FREM1: variants seen among roughly 807,000 people sequenced by gnomAD.
FREM1 encodes FRAS1-related extracellular matrix protein 1.
A neutral mutation model predicts 210.1 loss-of-function variants in FREM1; 220 were observed. The observed-to-expected ratio is 1.05, with a 90% CI of 0.94 to 1.17. The LOEUF is 1.17. Among genes scored for constraint, FREM1 ranks in the 50% most tolerant of loss-of-function variants. The pLI, the probability that FREM1 is intolerant of heterozygous loss-of-function variation, is 0.00. For missense variants in FREM1, 3,454 were observed against 2,675.5 expected (o/e 1.29, Z -6.42); for synonymous variants, 1,189 against 980.2 (o/e 1.21, Z -3.98).
chr9:14,738,045 T>G (rs1840721351), intron 36 of FREM1, among the ~76,000 whole-genome samples: 1 of 152,204 alleles, frequency 6.6e-6, no homozygotes, highest in Admixed American at 6.5e-5. Context: ...CCTCATTATT[T>G]AAATGTCCTG....
Position 14,836,651 on chromosome 9 carries a change from T to A in FREM1, c.1881+4796A>T, listed in dbSNP as rs1232739707. 9.9e-5 allele frequency among the ~76,000 whole-genome samples: 15 copies of A among 152,220 alleles called. No individual in the cohort carries two copies. The highest frequency in any genetic ancestry group is 2.2e-4 in the Non-Finnish European group (15 of 68,040). On this transcript the variant is annotated intron_variant, in intron 10 of 36. Transcript: ENST00000380880. This position sits in a 1 kb window ranked among gnomAD's most constrained non-coding sequence, Gnocchi z 4.9. ...TATTTGGACGTTGTATATTCAGTAC[T>A]ATGACTCAAATTGTTTCTTCTCGCC...
intron 35 of FREM1, among the ~76,000 whole-genome samples, chr9:14,742,171 A>G (rs114248074): frequency 0.015 from 2,226 of 152,312 alleles, 53 homozygotes; most frequent in African/African-American, 0.05. Context: ...ATAAATAGGT[A>G]CACATACACA....
intron 30 of FREM1, 43 bp from the exon 31 acceptor site, chr9:14,748,682 A>G (rs1587684476): frequency 7.8e-7 from 1 of 1,276,274 alleles, no homozygotes; most frequent in African/African-American, 1.5e-5. Flanking sequence ...CATTTTACAC[A>G]AACAGATAAG....
Position 14,842,678 on chromosome 9 carries a change from G to A in FREM1, c.1394-18C>T. The A allele has an allele frequency of 6.3e-7, 1 of 1,580,440 alleles. No individual in the cohort carries two copies. Among genetic ancestry groups the A allele is most frequent in the Non-Finnish European group, 8.7e-7 (1 of 1,152,640 alleles). On this transcript the variant is annotated intron_variant, in intron 8 of 36. Transcript: ENST00000380880. ...TTTCCCCCCTGAGGGAGAGAGCAGA[G>A]ATGGAGCAGATTGAGCAAGGGAGTG...
chr9:14,896,003 C>T (rs560061454), intron 1 of FREM1, among the ~76,000 whole-genome samples: 107 of 152,230 alleles, frequency 7.0e-4, no homozygotes, highest in Non-Finnish European at 1.4e-3. Context: ...ACCTACTGGG[C>T]TGCATTCCTA....
At chr9:14,752,842 G>C (rs998396430) in intron 29 of FREM1, among the ~76,000 whole-genome samples, 17 of 151,660 alleles carry the variant, frequency 1.1e-4, no homozygotes, top group Admixed American at 9.2e-4. Context: ...TAAAATTATA[G>C]TACCCCCCAA....
rs146629480 is a variant in FREM1, at chr9:14,848,804, C to T, written c.1153-31G>A. The T allele has an allele frequency of 3.1e-3, 4,123 of 1,340,936 alleles. 37 individuals are homozygous for T. Among genetic ancestry groups the T allele is most frequent in the Middle Eastern group, 2.8e-3 (15 of 5,414 alleles). The allele number at this position is 1,340,936 out of a possible 1,614,324, so 83.1% of individuals were successfully genotyped here. On this transcript the variant is annotated intron_variant, in intron 6 of 36. Coordinates refer to ENST00000380880, the MANE Select transcript of FREM1 (RefSeq NM_001379081.2). ...AACAAACAGAGGCAAAGGAGCCACA[C>T]ACTGAAGCGTTACAGGGTAAAGTAG...
At chr9:14,876,926 A>G (rs1276800411) in intron 1 of FREM1, among the ~76,000 whole-genome samples, 1 of 152,196 alleles carries the variant, frequency 6.6e-6, no homozygotes, top group Non-Finnish European at 1.5e-5. Flanking sequence ...AGGAGAGGCA[A>G]GAAGATAGGT....
In FREM1 at chr9:14,825,547, G is replaced by GTGTGTGTGTGTATATATATATATATATA; in HGVS notation, c.1882-556_1882-555insTATATATATATATATATACACACACACA. Among the ~76,000 whole-genome samples, 68 of 75,864 alleles carry GTGTGTGTGTGTATATATATATATATATA rather than the reference G, an allele frequency of 9.0e-4. 1 individual carries two copies. Among genetic ancestry groups the GTGTGTGTGTGTATATATATATATATATA allele is most frequent in the Non-Finnish European group, 1.2e-3 (49 of 40,598 alleles). 49.8% of individuals were successfully genotyped at this position (75,864 alleles called of 152,430 possible). A position where few individuals can be genotyped will look rare whatever the true frequency, so the allele number is the denominator to read the frequency against. The stretch of plus-strand genomic sequence containing the variant: ...CATATATATATATATGTGTGTGTGT[G>GTGTGTGTGTGTATATATATATATATATA]TATATATATATATATATATATATAC... On this transcript the variant is annotated intron_variant, in intron 10 of 36. Coordinates refer to ENST00000380880, the MANE Select transcript of FREM1 (RefSeq NM_001379081.2).
In FREM1 at chr9:14,847,400, A is replaced by AGAAGGAAGGAAG. The variant is rs1348075386; in HGVS notation, c.1261+1253_1261+1264dup. 5.8e-3 allele frequency among the ~76,000 whole-genome samples: 202 copies of AGAAGGAAGGAAG among 34,854 alleles called. 5 individuals are homozygous for AGAAGGAAGGAAG. Among genetic ancestry groups the AGAAGGAAGGAAG allele is most frequent in the African/African-American group, 0.015 (153 of 10,476 alleles). 22.9% of individuals were successfully genotyped at this position (34,854 alleles called of 152,430 possible). A position where few individuals can be genotyped will look rare whatever the true frequency, so the allele number is the denominator to read the frequency against. ...ATATAAAGGAGAGGGAGAGAGAAAA[A>AGAAGGAAGGAAG]GAAGGAAGGAAGGAAGGAAGGAAGG... On this transcript the variant is annotated intron_variant, in intron 7 of 36. Transcript: ENST00000380880.
At chr9:14,791,970 G>A (rs1851432013) in intron 22 of FREM1, among the ~76,000 whole-genome samples, 1 of 151,964 alleles carries the variant, frequency 6.6e-6, no homozygotes, top group South Asian at 2.1e-4. Context: ...GCAGAGTAAT[G>A]AGTAGCTGGG....
chr9:14,792,936 A>T, intron 21 of FREM1, 52 bp from the exon 22 acceptor site: 1 of 1,192,560 alleles, frequency 8.4e-7, no homozygotes, highest in Non-Finnish European at 1.2e-6. Context: ...ATATTCCTTT[A>T]GTAGGGGACA....
At chr9:14,893,929 GA>G (rs529616011) in intron 1 of FREM1, among the ~76,000 whole-genome samples, 1 of 152,122 alleles carries the variant, frequency 6.6e-6, no homozygotes, top group Non-Finnish European at 1.5e-5. Flanking sequence ...ATTGAACATT[GA>G]AATAAAAGCA....
chr9:14,886,384 C>CAAAA lies in FREM1; in HGVS notation c.-267-17144_-267-17141dup, dbSNP rs60702421. Among the ~76,000 whole-genome samples the CAAAA allele has an allele frequency of 4.4e-3, 263 of 59,738 alleles. 5 individuals carry two copies. The highest frequency in any genetic ancestry group is 6.3e-3 in the African/African-American group (89 of 14,198). 39.2% of individuals were successfully genotyped at this position (59,738 alleles called of 152,430 possible). ...CTGGTGACAGAGTGAGACTCCGACT[C>CAAAA]AAAAAAAAAAAAAAAAAAAAAAAAG... On this transcript the variant is annotated intron_variant, in intron 1 of 36. Coordinates refer to ENST00000380880, the MANE Select transcript of FREM1 (RefSeq NM_001379081.2).
In FREM1 at chr9:14,868,865, T is replaced by C. The variant is rs774099751; in HGVS notation, c.113A>G (p.His38Arg). 1 of 1,608,880 alleles carries C rather than the reference T, an allele frequency of 6.2e-7. No homozygotes were observed. The highest frequency in any genetic ancestry group is 8.5e-7 in the Non-Finnish European group (1 of 1,177,654). Residue 38 changes from histidine to arginine, a missense_variant, in exon 2 of 37, where the codon CAC (histidine) becomes CGC (arginine). Physicochemically the swap from His to Arg is conservative, Grantham distance 29. Coordinates refer to ENST00000380880, the MANE Select transcript of FREM1 (RefSeq NM_001379081.2). ...INRGVRVMKG[H>R]SAFLSGDDLK... ...GTCATCTCCTGACAGGAAGGCAGAG[T>C]GGCCCTTCATCACCCTCACCCCGCG...
At chr9:14,859,057 C>T in intron 4 of FREM1, 126 bp downstream of exon 4, 1 of 706,574 alleles carries the variant, frequency 1.4e-6, no homozygotes, top group Non-Finnish European at 2.2e-6. Context: ...TAACCACTAA[C>T]TGACACTGTT....
chr9:14,744,328 C>T (rs1446910686), intron 35 of FREM1, among the ~76,000 whole-genome samples: 1 of 152,080 alleles, frequency 6.6e-6, no homozygotes, highest in Non-Finnish European at 1.5e-5. Flanking sequence ...GTATATACAT[C>T]TATTTAATAA....
intron 21 of FREM1, among the ~76,000 whole-genome samples, chr9:14,795,112 G>C (rs1852132099): frequency 6.6e-6 from 1 of 152,130 alleles, no homozygotes; most frequent in Non-Finnish European, 1.5e-5. Context: ...AAATGAATGG[G>C]GGACTAGCTT....
At chr9:14,804,652 T>C (rs1366661409) in intron 19 of FREM1, among the ~76,000 whole-genome samples, 1 of 152,114 alleles carries the variant, frequency 6.6e-6, no homozygotes, top group African/African-American at 2.4e-5. Context: ...CCCAGTGGTA[T>C]TATTTCAGAA....
Sources: allele counts gnomAD v4.1 joint callset (sites outside exome capture counted in the v4.1 genomes callset), GRCh38; gene constraint gnomAD v4.1.1; non-coding constraint Gnocchi (gnomAD v3.1); transcripts MANE v1.5; gene names NCBI Gene and HGNC (gene_info 2026-07-23, HGNC 2026-07-21).